The following CADM2 variants were observed in gnomAD, a reference collection of about 807,000 sequenced individuals.
CADM2 encodes immunoglobulin superfamily member 4D.
Under a neutral mutation model 49.8 loss-of-function variants are expected in CADM2, and 12 were observed. The ratio of observed to expected loss-of-function variants is 0.24; its 90% CI spans 0.15 to 0.39. CADM2 has a LOEUF of 0.39. Ranked by LOEUF, CADM2 falls within the 10% of genes least tolerant of loss-of-function variation. The probability of loss-of-function intolerance (pLI) is 1.00; values close to 1 mark genes in which losing one functional copy is unlikely to be tolerated. For missense variants in CADM2, 378 were observed against 492.3 expected, an observed-to-expected ratio of 0.77 and a Z score of 2.20; for synonymous variants, 214 against 175.4, an observed-to-expected ratio of 1.22 and a Z score of -1.74.
intron 1 of CADM2, among the ~76,000 whole-genome samples, chr3:84,967,072 G>T (rs1392282540): frequency 3.3e-5 from 5 of 152,010 alleles, no homozygotes; most frequent in Admixed American, 6.6e-5. Context: ...TTACAGTAAG[G>T]ATACATTGCT....
chr3:85,833,707 G>T, intron 3 of CADM2, among the ~76,000 whole-genome samples: 1 of 151,136 alleles, frequency 6.6e-6, no homozygotes, highest in African/African-American at 2.4e-5. Context: ...AGATTCCAGG[G>T]GTCTACATGT....
chr3:85,000,843 A>C (rs2033429305), intron 1 of CADM2, among the ~76,000 whole-genome samples: 1 of 152,124 alleles, frequency 6.6e-6, no homozygotes, highest in South Asian at 2.1e-4. Context: ...TTGTATAGGT[A>C]TATAATATAA....
chr3:85,242,614 T>C (rs144558686), intron 1 of CADM2, among the ~76,000 whole-genome samples: 1 of 151,912 alleles, frequency 6.6e-6, no homozygotes, highest in Non-Finnish European at 1.5e-5. Flanking sequence ...GAAGATGTAA[T>C]TAATTTGTTG....
At chr3:85,842,649 G>A (rs918742944) in intron 3 of CADM2, among the ~76,000 whole-genome samples, 6 of 152,032 alleles carry the variant, frequency 3.9e-5, no homozygotes, top group African/African-American at 9.7e-5. Flanking sequence ...GTCCACACCC[G>A]CTTCCTTCTC....
intron 1 of CADM2, among the ~76,000 whole-genome samples, chr3:85,116,072 A>G (rs565776926): frequency 2.6e-4 from 39 of 152,370 alleles, no homozygotes; most frequent in African/African-American, 8.4e-4. Flanking sequence ...CACGCCTGTA[A>G]TCCCAGCACT....
At chr3:85,179,008 C>T (rs150862896) in intron 1 of CADM2, among the ~76,000 whole-genome samples, 145 of 152,020 alleles carry the variant, frequency 9.5e-4, no homozygotes, top group African/African-American at 3.4e-3. Flanking sequence ...TTATACTATA[C>T]ATCTCCATGA....
At chr3:85,082,364 A>C (rs2037197059) in intron 1 of CADM2, among the ~76,000 whole-genome samples, 1 of 152,176 alleles carries the variant, frequency 6.6e-6, no homozygotes. Flanking sequence ...AGAGCTTGAA[A>C]GATTCTTGTT....
At chr3:85,253,260 G>A (rs1030094548) in intron 1 of CADM2, among the ~76,000 whole-genome samples, 1 of 152,080 alleles carries the variant, frequency 6.6e-6, no homozygotes, top group South Asian at 2.1e-4. Context: ...ATGCAAATGT[G>A]TGCATACATA....
chr3:85,326,341 A>C (rs567377412), intron 1 of CADM2, among the ~76,000 whole-genome samples: 1 of 152,306 alleles, frequency 6.6e-6, no homozygotes, highest in East Asian at 1.9e-4. Flanking sequence ...TTTTTACTTA[A>C]GAATGCTTAT....
chr3:85,989,666 T>A (rs1406754702), intron 8 of CADM2, among the ~76,000 whole-genome samples: 1 of 152,044 alleles, frequency 6.6e-6, no homozygotes, highest in Non-Finnish European at 1.5e-5. Context: ...ACATGTCAGA[T>A]TATATTTTAG....
intron 5 of CADM2, among the ~76,000 whole-genome samples, chr3:85,890,802 A>T (rs1714328655): frequency 6.6e-6 from 1 of 152,026 alleles, no homozygotes; most frequent in South Asian, 2.1e-4. Context: ...AGTAGAATTC[A>T]TCATATGTGT....
chr3:85,103,334 A>G (rs1178660086), intron 1 of CADM2, among the ~76,000 whole-genome samples: 1 of 152,178 alleles, frequency 6.6e-6, no homozygotes, highest in African/African-American at 2.4e-5. Flanking sequence ...TAGTGTAACC[A>G]TAAATAAAGT....
At chr3:85,769,646 T>C (rs994689868) in intron 2 of CADM2, among the ~76,000 whole-genome samples, 1 of 143,332 alleles carries the variant, frequency 7.0e-6, no homozygotes, top group South Asian at 2.1e-4. Flanking sequence ...CATATATACA[T>C]ATATACATAT....
At chr3:85,524,323 T>C (rs912597944) in intron 1 of CADM2, among the ~76,000 whole-genome samples, 51 of 152,146 alleles carry the variant, frequency 3.4e-4, no homozygotes, top group African/African-American at 1.2e-3. Context: ...TTGAGACCTT[T>C]CTTATGTTTT....
At chr3:85,286,820 G>C (rs1226522705) in intron 1 of CADM2, among the ~76,000 whole-genome samples, 1 of 151,984 alleles carries the variant, frequency 6.6e-6, no homozygotes, top group Admixed American at 6.6e-5. Flanking sequence ...TTCCAGGCTA[G>C]AGGCATTTAG....
intron 1 of CADM2, among the ~76,000 whole-genome samples, chr3:85,350,494 C>CA (rs952762260): frequency 6.6e-6 from 1 of 152,006 alleles, no homozygotes; most frequent in African/African-American, 2.4e-5. Flanking sequence ...ACCTGTCTTC[C>CA]AAAAAACCTC....
chr3:85,810,532 G>GTTTTTTTT (rs71112120), intron 3 of CADM2, among the ~76,000 whole-genome samples: 5 of 87,176 alleles, frequency 5.7e-5, no homozygotes, highest in Non-Finnish European at 8.5e-5. Context: ...ATAGAATTCT[G>GTTTTTTTT]TTTTTTTTTT....
intron 2 of CADM2, among the ~76,000 whole-genome samples, chr3:85,795,061 A>G (rs905476814): frequency 2.6e-5 from 4 of 152,134 alleles, no homozygotes; most frequent in African/African-American, 9.7e-5. Context: ...GCTAATTAGC[A>G]TATTCATCAC....
chr3:85,540,804 A>G (rs1048390323), intron 1 of CADM2, among the ~76,000 whole-genome samples: 1 of 152,176 alleles, frequency 6.6e-6, no homozygotes, highest in Non-Finnish European at 1.5e-5. Context: ...GGCTGGAAGT[A>G]CAAGATCAAT....
Sources: gnomAD v4.1 joint callset for allele counts (sites outside exome capture counted in the v4.1 genomes callset) on GRCh38, gnomAD v4.1.1 for gene constraint, MANE v1.5 for transcripts, NCBI Gene and HGNC (gene_info 2026-07-23, HGNC 2026-07-21) for gene names.